ZNF704: variants seen among roughly 807,000 people sequenced by gnomAD.
The protein encoded by ZNF704 is glucocorticoid induced gene 1.
ZNF704 carries 10 observed loss-of-function variants against 44.7 expected under a neutral mutation model. That is an observed-to-expected ratio of 0.22 (90% CI 0.14 to 0.38). The LOEUF (loss-of-function observed/expected upper bound fraction) is 0.38, where lower values mean the gene tolerates loss of function less well. Ranked by LOEUF, ZNF704 falls within the 10% of genes least tolerant of loss-of-function variation. The probability of loss-of-function intolerance (pLI) is 1.00; values close to 1 mark genes in which losing one functional copy is unlikely to be tolerated. For missense variants in ZNF704, 390 were observed against 545.5 expected, an observed-to-expected ratio of 0.71 and a Z score of 2.84; for synonymous variants, 211 against 207.6, an observed-to-expected ratio of 1.02 and a Z score of -0.14.
intron 1 of ZNF704, among the ~76,000 whole-genome samples, chr8:80,858,286 G>C (rs1808996956): frequency 2.0e-5 from 3 of 152,050 alleles, no homozygotes; most frequent in Non-Finnish European, 4.4e-5. Flanking sequence ...TAACACCTTT[G>C]GATGGAAGAT....
chr8:80,783,025 G>T (rs1157702887), intron 2 of ZNF704, among the ~76,000 whole-genome samples: 1 of 152,156 alleles, frequency 6.6e-6, no homozygotes, highest in Non-Finnish European at 1.5e-5. Flanking sequence ...AAATGGCATG[G>T]TTTGAAAGTT....
Position 80,664,865 on chromosome 8 carries a change from G to A in ZNF704, c.877C>T (p.Arg293Cys), listed in dbSNP as rs148466606. Residue 293 changes from arginine (R) to cysteine (C), a missense_variant, in exon 6 of 9, where the codon CGC becomes TGC. Arg to Cys is a radical substitution (Grantham distance 180). Around this residue, in one of 3 missense-constraint regions of ZNF704, gnomAD observed 305 missense variants for 435.7 expected, o/e 0.70. Transcript: ENST00000327835. ...TETKLMTPLS[R>C]SAPTTLYLVH... ...AGGTAGAGGGTGGTGGGAGCTGAGC[G>A]GCTCAACGGCGTCATCAACTTAGTC... The A allele has an allele frequency of 1.5e-5, 25 of 1,614,064 alleles. No individual in the cohort carries two copies. Among genetic ancestry groups the A allele is most frequent in the African/African-American group, 2.7e-5 (2 of 74,924 alleles).
intron 6 of ZNF704, among the ~76,000 whole-genome samples, chr8:80,660,187 T>C (rs1324693222): frequency 1.3e-5 from 2 of 152,080 alleles, no homozygotes. Context: ...TAAAAAACAA[T>C]TGGGGCTGGG....
intron 7 of ZNF704, among the ~76,000 whole-genome samples, chr8:80,643,516 C>CAAA (rs1174433192): frequency 1.5e-3 from 35 of 23,350 alleles, no homozygotes; most frequent in Non-Finnish European, 2.6e-3. Flanking sequence ...GATCCTGTCT[C>CAAA]AAAAAAAAAA....
chr8:80,842,589 G>A (rs1317035828), intron 1 of ZNF704, among the ~76,000 whole-genome samples: 1 of 152,172 alleles, frequency 6.6e-6, no homozygotes, highest in Non-Finnish European at 1.5e-5. Flanking sequence ...GCCTCTGTGA[G>A]CCTTCAGTCG....
chr8:80,766,427 G>A (rs1293991229), intron 2 of ZNF704, among the ~76,000 whole-genome samples: 1 of 152,158 alleles, frequency 6.6e-6, no homozygotes, highest in Non-Finnish European at 1.5e-5. Context: ...ATTTCCTGGT[G>A]TCTAGCTGCA....
At chr8:80,818,105 T>C (rs975000392) in intron 2 of ZNF704, among the ~76,000 whole-genome samples, 1 of 152,206 alleles carries the variant, frequency 6.6e-6, no homozygotes, top group Non-Finnish European at 1.5e-5. Context: ...AAATAAGCGA[T>C]TGAAATACAT....
At chr8:80,740,039 C>A (rs1378756896) in intron 2 of ZNF704, among the ~76,000 whole-genome samples, 2 of 152,142 alleles carry the variant, frequency 1.3e-5, no homozygotes, top group African/African-American at 4.8e-5. Context: ...TGGATGCTGG[C>A]ACGACCTTCT....
At chr8:80,671,241 C>T (rs1385267087) in intron 4 of ZNF704, among the ~76,000 whole-genome samples, 1 of 152,194 alleles carries the variant, frequency 6.6e-6, no homozygotes, top group African/African-American at 2.4e-5. Flanking sequence ...GATCCTCCCA[C>T]GTTAGCCTCC....
chr8:80,630,019 C>G lies in ZNF704; in HGVS notation c.*11347G>C, dbSNP rs1380322755. 1 of 152,138 alleles carries G rather than the reference C, an allele frequency of 6.6e-6. No homozygotes were observed. Among genetic ancestry groups the G allele is most frequent in the Non-Finnish European group, 1.5e-5 (1 of 68,024 alleles). The allele number at this position is 152,138 out of a possible 1,614,324, so 9.4% of individuals were successfully genotyped here. A position where few individuals can be genotyped will look rare whatever the true frequency, so the allele number is the denominator to read the frequency against. On this transcript the variant is annotated 3_prime_UTR_variant, in exon 9 of 9. Coordinates refer to ENST00000327835, the MANE Select transcript of ZNF704 (RefSeq NM_001033723.3). ...AGCCTGATGTTTCAGAATAAAGTTT[C>G]AATCTTTAAAAACATCAAGTAGGAG...
At chr8:80,706,351 G>GTT (rs199975279) in intron 2 of ZNF704, among the ~76,000 whole-genome samples, 1 of 148,772 alleles carries the variant, frequency 6.7e-6, no homozygotes, top group East Asian at 2.0e-4. Flanking sequence ...TTTTTCCCTA[G>GTT]TTTTTTTTTT....
chr8:80,745,008 T>C (rs543259750), intron 2 of ZNF704, among the ~76,000 whole-genome samples: 153 of 152,190 alleles, frequency 1.0e-3, no homozygotes, highest in Non-Finnish European at 1.2e-3. Flanking sequence ...TGGTCAATAA[T>C]TAAGAAAAAC....
chr8:80,840,030 C>T (rs1808649956), intron 1 of ZNF704, among the ~76,000 whole-genome samples: 1 of 152,192 alleles, frequency 6.6e-6, no homozygotes. Context: ...TTTTGAATCC[C>T]AGGCACCTGC....
At chr8:80,735,308 T>C (rs995749717) in intron 2 of ZNF704, among the ~76,000 whole-genome samples, 3 of 152,202 alleles carry the variant, frequency 2.0e-5, no homozygotes, top group African/African-American at 7.2e-5. Context: ...CTACTCTTAT[T>C]TATGAAGATC....
At chr8:80,772,537 C>A (rs142365001) in intron 2 of ZNF704, among the ~76,000 whole-genome samples, 5 of 152,010 alleles carry the variant, frequency 3.3e-5, no homozygotes, top group African/African-American at 7.3e-5. Flanking sequence ...AGGTGTTACA[C>A]GCTTTTAAAC....
chr8:80,739,941 T>C (rs1422826904), intron 2 of ZNF704, among the ~76,000 whole-genome samples: 1 of 152,086 alleles, frequency 6.6e-6, no homozygotes, highest in African/African-American at 2.4e-5. Flanking sequence ...GGACTGAGGG[T>C]GCCCGGGCCA....
Position 80,729,258 on chromosome 8 carries a change from G to A in ZNF704, c.222-36151C>T, listed in dbSNP as rs527520324. Reference sequence around the variant, plus strand: ...GGGAAGGGTGGCAAAATGAGTGGTTGGGTGGGGGCTGTCAGGTTAGAAGGA... The same window carrying A: ...GGGAAGGGTGGCAAAATGAGTGGTTAGGTGGGGGCTGTCAGGTTAGAAGGA... On this transcript the variant is annotated intron_variant, in intron 2 of 8. Coordinates refer to ENST00000327835, the MANE Select transcript of ZNF704 (RefSeq NM_001033723.3). Among the ~76,000 whole-genome samples, 167 of 152,252 alleles carry A rather than the reference G, an allele frequency of 1.1e-3. 1 individual carries two copies. The highest frequency in any genetic ancestry group is 2.0e-3 in the Non-Finnish European group (135 of 68,012).
intron 1 of ZNF704, among the ~76,000 whole-genome samples, chr8:80,827,632 G>C (rs866132929): frequency 1.5e-4 from 23 of 152,134 alleles, no homozygotes; most frequent in Admixed American, 2.0e-4. Context: ...TAAGCCAAAA[G>C]AACAAGGCTG....
At chr8:80,863,012 T>C (rs1043551521) in intron 1 of ZNF704, among the ~76,000 whole-genome samples, 2 of 151,906 alleles carry the variant, frequency 1.3e-5, no homozygotes, top group South Asian at 4.2e-4. Flanking sequence ...GTTTGTTCAG[T>C]GTTTACATAG....
Sources: gnomAD v4.1 joint callset for allele counts (sites outside exome capture counted in the v4.1 genomes callset) on GRCh38, gnomAD v4.1.1 for gene constraint, gnomAD v4.1.1 regional missense constraint, MANE v1.5 for transcripts, NCBI Gene and HGNC (gene_info 2026-07-23, HGNC 2026-07-21) for gene names.